Variants in ABCA1 observed in about 807,000 individuals in gnomAD.
ABCA1 encodes the protein phospholipid-transporting ATPase ABCA1.
A neutral mutation model predicts 262.5 loss-of-function variants in ABCA1; 133 were observed. That is an observed-to-expected ratio of 0.51 (90% CI 0.44 to 0.59). ABCA1 has a LOEUF of 0.59. ABCA1 is among the 20% of genes least tolerant of loss of function. ABCA1 has a pLI of 0.00. For synonymous variants in ABCA1, 1,022 were observed against 1,043.5 expected, an observed-to-expected ratio of 0.98 and a Z score of 0.40; for missense variants, 2,452 against 2,777.5, an observed-to-expected ratio of 0.88 and a Z score of 2.63.
At chr9:104,850,542 G>A (rs182160885) in intron 7 of ABCA1, among the ~76,000 whole-genome samples, 38 of 152,330 alleles carry the variant, frequency 2.5e-4, no homozygotes, top group African/African-American at 8.9e-4. Context: ...GAAAGGAAGG[G>A]TAAAGAATCT....
In ABCA1 at chr9:104,799,901, C is replaced by T. The variant is rs1479432684; in HGVS notation, c.4861G>A (p.Gly1621Arg). 1.9e-6 allele frequency: 3 copies of T among 1,614,050 alleles called. No individual in the cohort carries two copies. Among genetic ancestry groups the T allele is most frequent in the East Asian group, 2.2e-5 (1 of 44,904 alleles). Residue 1621 changes from glycine (G) to arginine (R), a missense_variant, in exon 36 of 50, where the codon GGA (glycine) becomes AGA (arginine). This residue lies in a region of ABCA1 where 752 missense variants were observed against 944.5 expected (regional missense o/e 0.80). Coordinates refer to ENST00000374736, the MANE Select transcript of ABCA1 (RefSeq NM_005502.4). ...ATTCCATAATGGCTAGGGTTCTCTC[C>T]CTTTTGCAGGTTGGCCCGGAGAATG... ...NAILRANLQK[G>R]ENPSHYGITA...
intron 46 of ABCA1, 36 bp downstream of exon 46, chr9:104,787,884 C>T: frequency 1.2e-6 from 2 of 1,613,902 alleles, no homozygotes; most frequent in Non-Finnish European, 1.7e-6. Context: ...TCCACTCAGG[C>T]CAGAACAACA....
At chr9:104,860,808 G>A (rs559522167) in intron 6 of ABCA1, among the ~76,000 whole-genome samples, 1 of 146,768 alleles carries the variant, frequency 6.8e-6, no homozygotes, top group Admixed American at 6.8e-5. Flanking sequence ...CCAGGCTGGA[G>A]TGCAATGGCG....
At chr9:104,832,850 G>C in intron 11 of ABCA1, 79 bp from the exon 12 acceptor site, 2 of 1,321,082 alleles carry the variant, frequency 1.5e-6, no homozygotes, top group Non-Finnish European at 2.2e-6. Context: ...CAAAATACTT[G>C]CATATACACT....
intron 7 of ABCA1, among the ~76,000 whole-genome samples, chr9:104,849,684 T>C (rs993653803): frequency 7.9e-5 from 12 of 152,250 alleles, no homozygotes; most frequent in Non-Finnish European, 1.6e-4. Flanking sequence ...ATTATCCAGA[T>C]ATTTTGCTCA....
rs188132621 is a variant in ABCA1, at chr9:104,891,891, G to A, written c.67-2696C>T. Among the ~76,000 whole-genome samples the A allele has an allele frequency of 2.5e-3, 368 of 148,310 alleles. 2 individuals are homozygous for A. The highest frequency in any genetic ancestry group is 0.019 in the South Asian group (89 of 4,668). On this transcript the variant is annotated intron_variant, in intron 2 of 49. Coordinates refer to ENST00000374736, the MANE Select transcript of ABCA1 (RefSeq NM_005502.4). ...GAGGCAGGAGAATCACTTAAACCTG[G>A]GAAGCGGAGGTTGCTGTGAGCTGAG...
intron 7 of ABCA1, among the ~76,000 whole-genome samples, chr9:104,848,957 T>C (rs1835138668): frequency 6.6e-6 from 1 of 152,154 alleles, no homozygotes; most frequent in South Asian, 2.1e-4. Flanking sequence ...CAGATGTTTC[T>C]AAAAACCCCA....
intron 29 of ABCA1, among the ~76,000 whole-genome samples, chr9:104,809,937 T>C (rs182036058): frequency 7.0e-4 from 106 of 152,200 alleles, no homozygotes; most frequent in Middle Eastern, 6.8e-3. Context: ...AAGCAGGATT[T>C]TCCAAGAAAG....
At chr9:104,809,949 G>T (rs1001650225) in intron 29 of ABCA1, among the ~76,000 whole-genome samples, 1 of 151,832 alleles carries the variant, frequency 6.6e-6, no homozygotes, top group African/African-American at 2.4e-5. Flanking sequence ...CCAAGAAAGG[G>T]CAAGAAAACT....
Position 104,883,127 on chromosome 9 carries a change from C to T in ABCA1, c.333G>A (p.Arg111=), listed in dbSNP as rs543312335. The T allele has an allele frequency of 6.2e-7, 1 of 1,613,594 alleles. No individual in the cohort carries two copies. Among genetic ancestry groups the T allele is most frequent in the Non-Finnish European group, 8.5e-7 (1 of 1,180,038 alleles). ...IVARLFSDAR[R]LLLYSQKDTS... ...TGTCTTTCTGGCTGTATAAAAGAAGCCTCCGAGCATCTGAGAACAGGCGAG... is the reference window on the plus strand; with the variant it reads ...TGTCTTTCTGGCTGTATAAAAGAAGTCTCCGAGCATCTGAGAACAGGCGAG... Residue 111 remains arginine (R), a synonymous_variant, in exon 5 of 50, where the codon AGG becomes AGA. Transcript: ENST00000374736.
intron 1 of ABCA1, among the ~76,000 whole-genome samples, chr9:104,906,702 G>T (rs574560229): frequency 5.0e-5 from 7 of 141,276 alleles, no homozygotes; most frequent in Non-Finnish European, 1.1e-4. Context: ...AAGCCAAAGG[G>T]ACATTTCCAC....
chr9:104,862,701 G>GCCCCCCC (rs1276134045), intron 5 of ABCA1, among the ~76,000 whole-genome samples: 2 of 1,816 alleles, frequency 1.1e-3, no homozygotes, highest in African/African-American at 1.6e-3. Flanking sequence ...GGCCGGGCCG[G>GCCCCCCC]CCCCCACCCC....
At chr9:104,845,097 G>T (rs904940198) in intron 8 of ABCA1, among the ~76,000 whole-genome samples, 3 of 152,218 alleles carry the variant, frequency 2.0e-5, no homozygotes, top group African/African-American at 7.2e-5. Context: ...TTGGTAAAAT[G>T]ATTGGCCTTG....
chr9:104,829,168 A>T lies in ABCA1; in HGVS notation c.1893-30T>A, dbSNP rs749146320. On this transcript the variant is annotated intron_variant, in intron 14 of 49. Coordinates refer to ENST00000374736, the MANE Select transcript of ABCA1 (RefSeq NM_005502.4). ...AGGCCCCAAGGAAGGACAAGGGGAG[A>T]AAGAAAGACACACGTGAGCCAGGGT... is the stretch of plus-strand genomic sequence containing the variant. 1.1e-5 allele frequency: 17 copies of T among 1,612,286 alleles called. No individual in the cohort carries two copies. In the African/African-American group the frequency reaches 1.9e-4, roughly 18 times the overall value.
intron 2 of ABCA1, among the ~76,000 whole-genome samples, chr9:104,900,073 G>C (rs1053002743): frequency 6.6e-6 from 1 of 152,178 alleles, no homozygotes; most frequent in Admixed American, 6.5e-5. Context: ...CACAATGGGG[G>C]TACAGGAGAG....
At chr9:104,816,877 G>A (rs1211419261) in intron 24 of ABCA1, among the ~76,000 whole-genome samples, 1 of 152,158 alleles carries the variant, frequency 6.6e-6, no homozygotes, top group Non-Finnish European at 1.5e-5. Flanking sequence ...ACTAGGCAGA[G>A]ATAGCAAGGG....
At chr9:104,811,158 A>G (rs971023953) in intron 28 of ABCA1, among the ~76,000 whole-genome samples, 4 of 152,258 alleles carry the variant, frequency 2.6e-5, no homozygotes, top group African/African-American at 9.6e-5. Flanking sequence ...GGTTATGGCC[A>G]CCTGGCAGAG....
intron 13 of ABCA1, 134 bp from the exon 14 acceptor site, chr9:104,831,235 G>A: frequency 1.2e-6 from 1 of 804,214 alleles, no homozygotes; most frequent in Non-Finnish European, 1.8e-6. Context: ...TTTTTTTTTT[G>A]AGATGGAGTT....
chr9:104,865,515 C>CA (rs925876847), intron 5 of ABCA1, among the ~76,000 whole-genome samples: 1,481 of 66,566 alleles, frequency 0.022, 12 homozygotes, highest in Non-Finnish European at 0.031. Context: ...GACTCTGTCT[C>CA]AAAAAAAAAA....
Sources: allele counts gnomAD v4.1 joint callset (sites outside exome capture counted in the v4.1 genomes callset), GRCh38; gene constraint gnomAD v4.1.1; regional missense constraint gnomAD v4.1.1; transcripts MANE v1.5; gene names NCBI Gene and HGNC (gene_info 2026-07-23, HGNC 2026-07-21).